Variants in GRK5 observed in about 807,000 individuals in gnomAD.
GRK5 encodes the protein g protein-coupled receptor kinase GRK5.
In GRK5, 40 loss-of-function variants were observed where a neutral mutation model predicts 78.4. The observed-to-expected ratio is 0.51, with a 90% CI of 0.40 to 0.66. The LOEUF is 0.66. Ranked by LOEUF, GRK5 falls within the 30% of genes least tolerant of loss-of-function variation. GRK5 has a pLI of 0.00. For synonymous variants in GRK5, 289 were observed against 296.8 expected (o/e 0.97, Z 0.27); for missense variants, 598 against 759.9 (o/e 0.79, Z 2.50).
intron 2 of GRK5, among the ~76,000 whole-genome samples, chr10:119,347,848 C>G (rs187426583): frequency 3.4e-4 from 52 of 152,334 alleles, no homozygotes; most frequent in African/African-American, 1.2e-3. Flanking sequence ...GGGGCAGGGA[C>G]AGCTTGGTAG....
intron 2 of GRK5, among the ~76,000 whole-genome samples, chr10:119,359,162 G>A (rs1851317513): frequency 6.6e-6 from 1 of 152,192 alleles, no homozygotes; most frequent in African/African-American, 2.4e-5. Flanking sequence ...GTGCATCAGA[G>A]GAGCCATTTG....
intron 1 of GRK5, among the ~76,000 whole-genome samples, chr10:119,247,421 A>G (rs984593339): frequency 6.6e-6 from 1 of 152,166 alleles, no homozygotes; most frequent in Non-Finnish European, 1.5e-5. Context: ...AACCAAAATA[A>G]CTTTATAAAT....
At chr10:119,212,253 T>C (rs868137518) in intron 1 of GRK5, among the ~76,000 whole-genome samples, 14 of 152,300 alleles carry the variant, frequency 9.2e-5, no homozygotes, top group Admixed American at 2.6e-4. Flanking sequence ...TTCTTAAAGA[T>C]TTCAAACGAT....
chr10:119,311,914 A>ATT (rs1554905357), intron 1 of GRK5, among the ~76,000 whole-genome samples: 32 of 137,820 alleles, frequency 2.3e-4, no homozygotes, highest in African/African-American at 8.2e-4. Context: ...TGAATTGTTC[A>ATT]TTTTTTTTTT....
chr10:119,302,391 G>A (rs1310882013), intron 1 of GRK5, among the ~76,000 whole-genome samples: 1 of 152,044 alleles, frequency 6.6e-6, no homozygotes, highest in African/African-American at 2.4e-5. Flanking sequence ...CAGGCTCCTC[G>A]TATCTGGGTG....
At chr10:119,444,680 A>G (rs1388070866) in intron 12 of GRK5, among the ~76,000 whole-genome samples, 1 of 152,136 alleles carries the variant, frequency 6.6e-6, no homozygotes, top group Admixed American at 6.5e-5. Flanking sequence ...TTGCCAGCCC[A>G]CAGACTTCCT....
At chr10:119,273,574 C>T (rs1849619930) in intron 1 of GRK5, among the ~76,000 whole-genome samples, 1 of 152,218 alleles carries the variant, frequency 6.6e-6, no homozygotes, top group African/African-American at 2.4e-5. Context: ...ACCCTCAGGC[C>T]ACAAGTGTGG....
chr10:119,291,836 T>C (rs1410918164), intron 1 of GRK5, among the ~76,000 whole-genome samples: 2 of 137,356 alleles, frequency 1.5e-5, no homozygotes, highest in African/African-American at 5.5e-5. Flanking sequence ...TTCTCCTCTT[T>C]ATCCTCATTC....
intron 1 of GRK5, among the ~76,000 whole-genome samples, chr10:119,276,814 T>C (rs1332445958): frequency 1.3e-5 from 2 of 152,228 alleles, no homozygotes; most frequent in Non-Finnish European, 2.9e-5. Flanking sequence ...AAAGCGGGGA[T>C]GGACTTTTGG....
At chr10:119,371,550 C>T (rs997429338) in intron 2 of GRK5, among the ~76,000 whole-genome samples, 1 of 152,214 alleles carries the variant, frequency 6.6e-6, no homozygotes, top group African/African-American at 2.4e-5. Context: ...GAACCTCGGG[C>T]ATGTGCTGGT....
rs1851965241 is a variant in GRK5 at position 119,394,287 on chromosome 10, T to TGTGTGTGAGTATCC, written c.262-2404_262-2403insGTGAGTATCCGTGT. The stretch of plus-strand genomic sequence containing the variant: ...GTGTGTGTGTGGGCGTGTGTGTGGG[T>TGTGTGTGAGTATCC]GTGTATCTGTGTGTCTGTGTGGGCA... On this transcript the variant is annotated intron_variant, in intron 3 of 15. Coordinates refer to ENST00000392870, the MANE Select transcript of GRK5 (RefSeq NM_005308.3). 2.6e-4 allele frequency among the ~76,000 whole-genome samples: 9 copies of TGTGTGTGAGTATCC among 34,024 alleles called. 1 individual carries two copies. Among genetic ancestry groups the TGTGTGTGAGTATCC allele is most frequent in the South Asian group, 9.6e-4 (1 of 1,046 alleles). The allele number at this position is 34,024 out of a possible 152,430, so 22.3% of individuals were successfully genotyped here. A position where few individuals can be genotyped will look rare whatever the true frequency, so the allele number is the denominator to read the frequency against.
chr10:119,398,991 G>C (rs1201152435), intron 4 of GRK5, among the ~76,000 whole-genome samples: 5 of 127,968 alleles, frequency 3.9e-5, no homozygotes, highest in Non-Finnish European at 7.5e-5. Context: ...GCTGCCACCG[G>C]GTTGCCCCGT....
chr10:119,424,334 C>T (rs1852630123), intron 5 of GRK5, among the ~76,000 whole-genome samples: 1 of 152,220 alleles, frequency 6.6e-6, no homozygotes, highest in South Asian at 2.1e-4. Flanking sequence ...AGTGTGGCCA[C>T]TTTCTAAAGG....
At chr10:119,237,747 C>T (rs1390563647) in intron 1 of GRK5, among the ~76,000 whole-genome samples, 1 of 152,144 alleles carries the variant, frequency 6.6e-6, no homozygotes, top group Non-Finnish European at 1.5e-5. Flanking sequence ...GAGACCCTTC[C>T]ATCTCAGCCT....
At chr10:119,285,891 C>T (rs1490211061) in intron 1 of GRK5, among the ~76,000 whole-genome samples, 3 of 152,100 alleles carry the variant, frequency 2.0e-5, no homozygotes, top group Non-Finnish European at 4.4e-5. Context: ...CCTGGCAGAA[C>T]GTCCTTGGGC....
At chr10:119,438,689 C>T (rs148519946) in intron 9 of GRK5, among the ~76,000 whole-genome samples, 227 of 152,348 alleles carry the variant, frequency 1.5e-3, no homozygotes, top group African/African-American at 5.2e-3. Context: ...CCACTCACCA[C>T]GGCCTCTCTT....
chr10:119,441,805 A>G (rs529863380), intron 10 of GRK5, among the ~76,000 whole-genome samples, 194 bp from the exon 11 acceptor site: 16 of 152,084 alleles, frequency 1.1e-4, no homozygotes, highest in Admixed American at 5.2e-4. Flanking sequence ...AAGAGTGGGC[A>G]TTTTCCTGTG....
chr10:119,291,774 A>C (rs1270566311), intron 1 of GRK5, among the ~76,000 whole-genome samples: 150 of 95,592 alleles, frequency 1.6e-3, no homozygotes, highest in African/African-American at 1.9e-3. Flanking sequence ...CCTCCTCCTT[A>C]TCCTCATCCT....
chr10:119,370,867 T>C (rs1174536118), intron 2 of GRK5, among the ~76,000 whole-genome samples: 4 of 151,866 alleles, frequency 2.6e-5, no homozygotes, highest in Non-Finnish European at 5.9e-5. Context: ...CAGCCCCCCG[T>C]AACCTGGTAT....
Sources: allele counts gnomAD v4.1 joint callset (sites outside exome capture counted in the v4.1 genomes callset), GRCh38; gene constraint gnomAD v4.1.1; transcripts MANE v1.5; gene names NCBI Gene and HGNC (gene_info 2026-07-23, HGNC 2026-07-21).